TSHZ2: variants seen among roughly 807,000 people sequenced by gnomAD.
TSHZ2 encodes teashirt zinc finger homeobox 2.
In TSHZ2, 21 loss-of-function variants were observed where a neutral mutation model predicts 74.4. The ratio of observed to expected loss-of-function variants is 0.28; its 90% CI spans 0.20 to 0.41. The LOEUF is 0.41. TSHZ2 is among the 10% of genes least tolerant of loss of function. The pLI is 1.00. For synonymous variants in TSHZ2, 540 were observed against 515.3 expected (o/e 1.05, Z -0.65); for missense variants, 1,244 against 1,293.5 (o/e 0.96, Z 0.59).
intron 1 of TSHZ2, among the ~76,000 whole-genome samples, chr20:53,053,205 T>C (rs1057448139): frequency 6.6e-6 from 1 of 152,236 alleles, no homozygotes; most frequent in Non-Finnish European, 1.5e-5. Context: ...TTCGTTCATG[T>C]TGTATCAGCA....
At chr20:53,236,125 C>A (rs575527251) in intron 1 of TSHZ2, among the ~76,000 whole-genome samples, 3 of 152,312 alleles carry the variant, frequency 2.0e-5, no homozygotes, top group African/African-American at 2.4e-5. Flanking sequence ...GCCTCAGAAG[C>A]CTGACTGTCA....
At chr20:53,027,825 C>T (rs965725852) in intron 1 of TSHZ2, among the ~76,000 whole-genome samples, 3 of 152,024 alleles carry the variant, frequency 2.0e-5, no homozygotes, top group African/African-American at 7.2e-5. Flanking sequence ...TTACACCTTG[C>T]GAACAGCACA....
At chr20:53,424,749 G>A (rs1324256463) in intron 2 of TSHZ2, among the ~76,000 whole-genome samples, 1 of 152,060 alleles carries the variant, frequency 6.6e-6, no homozygotes, top group Non-Finnish European at 1.5e-5. Context: ...AGTGTCTGTT[G>A]TTCCCCTTCC....
intron 1 of TSHZ2, among the ~76,000 whole-genome samples, chr20:53,077,071 G>T (rs1281392330): frequency 6.6e-6 from 1 of 152,146 alleles, no homozygotes; most frequent in Non-Finnish European, 1.5e-5. Flanking sequence ...AGTCTCTCAG[G>T]TGCTGAAGAC....
chr20:53,158,252 A>G (rs997831555), intron 1 of TSHZ2, among the ~76,000 whole-genome samples: 9 of 152,208 alleles, frequency 5.9e-5, no homozygotes, highest in African/African-American at 2.2e-4. Flanking sequence ...CAGACTGTGC[A>G]GAACCTATGG....
intron 1 of TSHZ2, among the ~76,000 whole-genome samples, chr20:52,993,576 C>T (rs923703492): frequency 1.3e-5 from 2 of 152,158 alleles, no homozygotes; most frequent in Non-Finnish European, 1.5e-5. Flanking sequence ...TAAGCAGGAA[C>T]GCTTGTTTGT....
At chr20:52,993,085 A>G (rs1206055743) in intron 1 of TSHZ2, among the ~76,000 whole-genome samples, 1 of 152,260 alleles carries the variant, frequency 6.6e-6, no homozygotes, top group Non-Finnish European at 1.5e-5. Context: ...AAACATCCAC[A>G]ATAGAAGGAC....
chr20:53,289,434 A>G (rs560100355), intron 2 of TSHZ2, among the ~76,000 whole-genome samples: 2 of 152,302 alleles, frequency 1.3e-5, no homozygotes, highest in East Asian at 3.9e-4. Context: ...TCCCACCAGC[A>G]GTGTTAAAGT....
chr20:53,092,251 C>T (rs779982476), intron 1 of TSHZ2, among the ~76,000 whole-genome samples: 4 of 151,990 alleles, frequency 2.6e-5, no homozygotes, highest in African/African-American at 4.8e-5. Flanking sequence ...TGGAAACCAA[C>T]CTAGTTACCA....
intron 2 of TSHZ2, among the ~76,000 whole-genome samples, chr20:53,340,923 T>C (rs940675819): frequency 8.5e-5 from 13 of 152,164 alleles, no homozygotes; most frequent in African/African-American, 2.7e-4. Context: ...CTCCTCAATC[T>C]GAAAAAAATT....
At chr20:53,111,577 G>A (rs1439973728) in intron 1 of TSHZ2, among the ~76,000 whole-genome samples, 1 of 152,172 alleles carries the variant, frequency 6.6e-6, no homozygotes, top group Non-Finnish European at 1.5e-5. Context: ...GTAACTTCGA[G>A]AGGACATCAA....
intron 2 of TSHZ2, among the ~76,000 whole-genome samples, chr20:53,290,143 G>A (rs1165687517): frequency 6.6e-6 from 1 of 152,074 alleles, no homozygotes; most frequent in Non-Finnish European, 1.5e-5. Flanking sequence ...GGAGTCAGTT[G>A]GAGCTAAGGG....
At chr20:53,321,360 A>C (rs1205944291) in intron 2 of TSHZ2, among the ~76,000 whole-genome samples, 1 of 152,086 alleles carries the variant, frequency 6.6e-6, no homozygotes, top group African/African-American at 2.4e-5. Context: ...CTCTGGGCTC[A>C]AGTATGTTGG....
intron 1 of TSHZ2, among the ~76,000 whole-genome samples, chr20:53,094,118 T>C (rs1408603470): frequency 6.6e-6 from 1 of 152,084 alleles, no homozygotes; most frequent in Non-Finnish European, 1.5e-5. Context: ...TACTGTATCG[T>C]CTGCAGATGC....
chr20:53,042,622 T>A (rs1254723181), intron 1 of TSHZ2, among the ~76,000 whole-genome samples: 1 of 150,604 alleles, frequency 6.6e-6, no homozygotes, highest in African/African-American at 2.4e-5. Flanking sequence ...CTTCAGAAAG[T>A]GAAAGTCAGT....
intron 1 of TSHZ2, among the ~76,000 whole-genome samples, chr20:53,010,730 C>A (rs954850504): frequency 7.2e-5 from 11 of 152,156 alleles, no homozygotes; most frequent in African/African-American, 2.7e-4. Flanking sequence ...TAGAGTGAAA[C>A]AACTTTATTG....
At chr20:53,440,788 T>G (rs1169234381) in intron 2 of TSHZ2, among the ~76,000 whole-genome samples, 1 of 152,214 alleles carries the variant, frequency 6.6e-6, no homozygotes, top group Non-Finnish European at 1.5e-5. Context: ...TGCAAACACT[T>G]TCTTAGCTCA....
chr20:53,058,932 C>G (rs1984731471), intron 1 of TSHZ2, among the ~76,000 whole-genome samples: 1 of 152,158 alleles, frequency 6.6e-6, no homozygotes, highest in Non-Finnish European at 1.5e-5. Context: ...AATCTGTATA[C>G]AAAACCTTTT....
At position 53,282,973 on chromosome 20, in the gene TSHZ2, T is replaced by A. The variant is rs1020785971; in HGVS notation, c.*8+26402T>A. Among the ~76,000 whole-genome samples, 17 of 152,340 alleles carry A rather than the reference T, an allele frequency of 1.1e-4. 1 individual carries two copies. The highest frequency in any genetic ancestry group is 2.6e-4 in the Admixed American group (4 of 15,296). On this transcript the variant is annotated intron_variant, in intron 2 of 2. Transcript: ENST00000371497. Reference sequence around the variant, plus strand: ...ACGGAACCTGGGACATGCCTAATAATGATCTGACTTGCTGGTTCAATCAAC... The same window carrying A: ...ACGGAACCTGGGACATGCCTAATAAAGATCTGACTTGCTGGTTCAATCAAC...
Sources: gnomAD v4.1 joint callset for allele counts (sites outside exome capture counted in the v4.1 genomes callset) on GRCh38, gnomAD v4.1.1 for gene constraint, MANE v1.5 for transcripts, NCBI Gene and HGNC (gene_info 2026-07-23, HGNC 2026-07-21) for gene names.